CWH43: variants seen among roughly 807,000 people sequenced by gnomAD.
CWH43 encodes cell wall biogenesis 43 C-terminal homolog.
A neutral mutation model predicts 85.7 loss-of-function variants in CWH43; 91 were observed. That is an observed-to-expected ratio of 1.06 (90% CI 0.90 to 1.26). The LOEUF (loss-of-function observed/expected upper bound fraction) is 1.26. CWH43 is among the 50% of genes most tolerant of loss of function. The pLI is 0.00. For missense variants in CWH43, 869 were observed against 839.2 expected, an observed-to-expected ratio of 1.04 and a Z score of -0.44; for synonymous variants, 323 against 293.6, an observed-to-expected ratio of 1.10 and a Z score of -1.02.
rs1445907507 is a variant in CWH43, at chr4:48,986,644, A to C, written c.43+172A>C. On this transcript the variant is annotated intron_variant, in intron 1 of 15. Transcript: ENST00000226432. ...GAACTTTTCCTACTGAAGGGAATAA[A>C]GGAAAAGACCTAGATTGAAGTCTTC... 4 of 1,412,892 alleles carry C rather than the reference A, an allele frequency of 2.8e-6. No homozygotes were observed. The Admixed American group carries it at 9.2e-5, about 33-fold the overall frequency. 87.5% of individuals were successfully genotyped at this position (1,412,892 alleles called of 1,614,324 possible).
At chr4:49,025,641 G>C (rs988249554) in intron 9 of CWH43, among the ~76,000 whole-genome samples, 7 of 152,194 alleles carry the variant, frequency 4.6e-5, no homozygotes, top group African/African-American at 1.7e-4. Flanking sequence ...TAGCTACCCA[G>C]CAGAGCTACT....
intron 15 of CWH43, 60 bp from the exon 16 acceptor site, chr4:49,061,752 A>G (rs1785164914): frequency 3.3e-6 from 4 of 1,214,572 alleles, no homozygotes; most frequent in Non-Finnish European, 3.2e-6. Context: ...ACATAAGAAC[A>G]TACCTTTCTG....
At chr4:49,009,012 A>C (rs1006704914) in intron 8 of CWH43, among the ~76,000 whole-genome samples, 1 of 152,168 alleles carries the variant, frequency 6.6e-6, no homozygotes, top group Non-Finnish European at 1.5e-5. Flanking sequence ...TTCTGTGAAG[A>C]AAGTCATTGG....
chr4:49,028,952 T>C (rs986695375), intron 10 of CWH43, among the ~76,000 whole-genome samples: 1 of 152,098 alleles, frequency 6.6e-6, no homozygotes, highest in African/African-American at 2.4e-5. Context: ...AGCAATTAAT[T>C]CAGTTGATTC....
chr4:49,000,510 G>T (rs181960223), intron 6 of CWH43, among the ~76,000 whole-genome samples: 1 of 152,310 alleles, frequency 6.6e-6, no homozygotes, highest in Admixed American at 6.5e-5. Flanking sequence ...AGGAAAGTTT[G>T]TCAGTGCTGA....
At chr4:48,999,393 A>G (rs1782920993) in intron 6 of CWH43, among the ~76,000 whole-genome samples, 1 of 152,216 alleles carries the variant, frequency 6.6e-6, no homozygotes, top group Non-Finnish European at 1.5e-5. Context: ...ATACGCGTGC[A>G]TGTGTCTTTA....
At position 49,020,397 on chromosome 4, in the gene CWH43, A is replaced by AC. The variant is rs1783709539; in HGVS notation, c.1266+3070dup. On this transcript the variant is annotated intron_variant, in intron 9 of 15. Transcript: ENST00000226432. ...ATAGTATTCCATTACACACACACAC[A>AC]CACACACACACACACACACATATAT... 8.7e-5 allele frequency among the ~76,000 whole-genome samples: 8 copies of AC among 92,090 alleles called. No individual in the cohort carries two copies. In the Admixed American group the frequency reaches 1.3e-3, roughly 14 times the overall value. The allele number at this position is 92,090 out of a possible 152,430, so 60.4% of individuals were successfully genotyped here. A position where few individuals can be genotyped will look rare whatever the true frequency, so the allele number is the denominator to read the frequency against.
At chr4:49,029,573 G>T (rs1784031509) in intron 10 of CWH43, among the ~76,000 whole-genome samples, 1 of 152,198 alleles carries the variant, frequency 6.6e-6, no homozygotes, top group South Asian at 2.1e-4. Context: ...TCTTGCAGTT[G>T]AGATAAGAGG....
chr4:48,993,438 A>G (rs1204902709), intron 4 of CWH43, among the ~76,000 whole-genome samples: 1 of 151,932 alleles, frequency 6.6e-6, no homozygotes, highest in Non-Finnish European at 1.5e-5. Context: ...TGATCCTGTT[A>G]ATGTCAGAGA....
At chr4:49,037,979 G>A in intron 12 of CWH43, 57 bp from the exon 13 acceptor site, 1 of 1,506,604 alleles carries the variant, frequency 6.6e-7, no homozygotes, top group Non-Finnish European at 9.0e-7. Flanking sequence ...GGTACCTAAG[G>A]CTTTTTAAAG....
chr4:49,023,116 G>A (rs1783803471), intron 9 of CWH43, among the ~76,000 whole-genome samples: 1 of 152,094 alleles, frequency 6.6e-6, no homozygotes, highest in African/African-American at 2.4e-5. Flanking sequence ...AGTTCCTTGA[G>A]TTGTGACCTT....
intron 15 of CWH43, among the ~76,000 whole-genome samples, chr4:49,059,451 A>T (rs1270997125): frequency 6.6e-6 from 1 of 152,174 alleles, no homozygotes; most frequent in African/African-American, 2.4e-5. Context: ...GCTGTTTTTC[A>T]TTAGCATCAG....
chr4:49,050,699 G>C lies in CWH43; in HGVS notation c.1871G>C (p.Gly624Ala). The C allele has an allele frequency of 6.2e-7, 1 of 1,610,466 alleles. No homozygotes were observed. The highest frequency in any genetic ancestry group is 8.5e-7 in the Non-Finnish European group (1 of 1,178,556). ...YIMYRGLIRL[G>A]YARISHAELS... ...CATTTCTGTTTCTGCTACAGGTTGG[G>C]TTATGCAAGAATCTCCCATGCTGAA... is the stretch of plus-strand genomic sequence containing the variant. Residue 624 changes from glycine to alanine, a missense_variant, in exon 15 of 16, where the codon GGT (glycine) becomes GCT (alanine). This residue lies in a region of CWH43 where 577 missense variants were observed against 513.1 expected (regional missense o/e 1.12). Transcript: ENST00000226432.
intron 8 of CWH43, 166 bp from the exon 9 acceptor site, chr4:49,017,083 A>G (rs1465334898): frequency 2.7e-6 from 2 of 738,042 alleles, no homozygotes; most frequent in Non-Finnish European, 2.5e-6. Flanking sequence ...AGTGTCAATG[A>G]GCTCCCCAAG....
intron 13 of CWH43, 75 bp downstream of exon 13, chr4:49,038,255 A>C: frequency 7.5e-7 from 1 of 1,326,328 alleles, no homozygotes; most frequent in Non-Finnish European, 1.0e-6. Context: ...TAAAAAAACC[A>C]ACCTCACCTA....
chr4:49,021,338 G>T (rs1385368719), intron 9 of CWH43, among the ~76,000 whole-genome samples: 1 of 151,948 alleles, frequency 6.6e-6, no homozygotes, highest in African/African-American at 2.4e-5. Context: ...GTTTTTGTTT[G>T]CTATGTCAAA....
intron 6 of CWH43, among the ~76,000 whole-genome samples, chr4:49,002,443 C>A (rs1199319492): frequency 1.3e-5 from 2 of 152,080 alleles, no homozygotes; most frequent in African/African-American, 4.8e-5. Context: ...AGCATATAGT[C>A]TTTAATATGT....
In CWH43 at chr4:48,998,478, C is replaced by T. The variant is rs1271218516; in HGVS notation, c.732C>T (p.Cys244=). The T allele has an allele frequency of 6.2e-7, 1 of 1,613,724 alleles. No individual in the cohort carries two copies. Among genetic ancestry groups the T allele is most frequent in the Admixed American group, 1.7e-5 (1 of 60,014 alleles). Reference sequence around the variant, plus strand: ...TTCACAGAGGTGCAGTACTGCTGTGCTTGGCAAGTGGATTGATGCTTCCAT... The same window carrying T: ...TTCACAGAGGTGCAGTACTGCTGTGTTTGGCAAGTGGATTGATGCTTCCAT... The part of the protein sequence containing the change: ...PNPFGGAVLL[C]LASGLMLPSC... The change falls in exon 6 of 16, where the codon TGC becomes TGT. Residue 244 remains cysteine (C), a synonymous_variant. Transcript: ENST00000226432.
At chr4:49,015,111 A>G (rs1002477941) in intron 8 of CWH43, among the ~76,000 whole-genome samples, 1 of 152,006 alleles carries the variant, frequency 6.6e-6, no homozygotes, top group African/African-American at 2.4e-5. Context: ...CAGAATGTCA[A>G]TTTTTGTCTT....
Sources: allele counts gnomAD v4.1 joint callset (sites outside exome capture counted in the v4.1 genomes callset), GRCh38; gene constraint gnomAD v4.1.1; regional missense constraint gnomAD v4.1.1; transcripts MANE v1.5; gene names NCBI Gene and HGNC (gene_info 2026-07-23, HGNC 2026-07-21).